The following AGPAT3 variants were observed in gnomAD, a reference collection of about 807,000 sequenced individuals.
AGPAT3 encodes the protein 1-acyl-sn-glycerol-3-phosphate acyltransferase gamma.
In AGPAT3, 5 loss-of-function variants were observed where a neutral mutation model predicts 47.3. The observed-to-expected ratio is 0.11, with a 90% CI of 0.06 to 0.22. AGPAT3 has a LOEUF of 0.22. Among genes scored for constraint, AGPAT3 ranks in the 10% least tolerant of loss-of-function variants. The probability of loss-of-function intolerance (pLI) is 1.00; values close to 1 mark genes in which losing one functional copy is unlikely to be tolerated. For missense variants in AGPAT3, 315 were observed against 493.0 expected, an observed-to-expected ratio of 0.64 and a Z score of 3.42; for synonymous variants, 212 against 208.3, an observed-to-expected ratio of 1.02 and a Z score of -0.15.
chr21:43,924,852 A>G (rs1017594020), intron 2 of AGPAT3, among the ~76,000 whole-genome samples: 5 of 152,084 alleles, frequency 3.3e-5, no homozygotes, highest in African/African-American at 4.8e-5. Context: ...GCGTGTGGGA[A>G]TGTGCGTTTT....
intron 2 of AGPAT3, among the ~76,000 whole-genome samples, chr21:43,916,810 G>A (rs1045446060): frequency 9.2e-5 from 14 of 152,228 alleles, no homozygotes; most frequent in African/African-American, 2.9e-4. Flanking sequence ...CAGCACAGAC[G>A]CCTGCATCTT....
rs1417285566 is a variant in AGPAT3 at position 43,968,220 on chromosome 21, C to A, written c.348+105C>A. The A allele has an allele frequency of 2.1e-5, 20 of 958,854 alleles. No homozygotes were observed. The Middle Eastern group carries it at 1.3e-3, about 62-fold the overall frequency. 59.4% of individuals were successfully genotyped at this position (958,854 alleles called of 1,614,324 possible). A position where few individuals can be genotyped will look rare whatever the true frequency, so the allele number is the denominator to read the frequency against. On this transcript the variant is annotated intron_variant, in intron 4 of 9. Transcript: ENST00000291572. ...GGCCGGGGTGAGCAGGGGGTCCCTG[C>A]AGGGCTGGGGGTGGGGTGGTGACTG... is the stretch of plus-strand genomic sequence containing the variant.
chr21:43,897,187 T>C (rs567337229), intron 1 of AGPAT3, among the ~76,000 whole-genome samples: 2 of 151,972 alleles, frequency 1.3e-5, no homozygotes, highest in Admixed American at 6.6e-5. Context: ...TTCAAGCGTC[T>C]GTTTAACAAA....
At chr21:43,891,627 C>A (rs1397432962) in intron 1 of AGPAT3, among the ~76,000 whole-genome samples, 13 of 148,472 alleles carry the variant, frequency 8.8e-5, no homozygotes, top group Admixed American at 8.7e-4. Context: ...AGCGAGACTC[C>A]ATCTAAACAA....
rs1029517421 is a variant in AGPAT3, at chr21:43,970,910, G to A, written c.664+104G>A. On this transcript the variant is annotated intron_variant, in intron 6 of 9. Transcript: ENST00000291572. This position sits in a 1 kb window ranked among gnomAD's most constrained non-coding sequence, Gnocchi z 5.8. ...AGTGCATTCCATGTGAAACACAGAA[G>A]AACAGAAGTGCAAAAGGAATCAAGT... The A allele has an allele frequency of 3.8e-6, 5 of 1,301,282 alleles. No individual in the cohort carries two copies. Among genetic ancestry groups the A allele is most frequent in the Non-Finnish European group, 5.0e-6 (5 of 1,000,384 alleles). 80.6% of individuals were successfully genotyped at this position (1,301,282 alleles called of 1,614,324 possible).
rs763088229 is a variant in AGPAT3, at chr21:43,985,136, C to T, written c.*2744C>T. Reference sequence around the variant, plus strand: ...GGGCCGTGGTCTCCTGGGGACGCCGCTGGCCTCCCAGCTTAGGCCCAGGTG... The same window carrying T: ...GGGCCGTGGTCTCCTGGGGACGCCGTTGGCCTCCCAGCTTAGGCCCAGGTG... On this transcript the variant is annotated 3_prime_UTR_variant, in exon 10 of 10. Coordinates refer to ENST00000291572, the MANE Select transcript of AGPAT3 (RefSeq NM_020132.5). 4.4e-6 allele frequency: 2 copies of T among 456,314 alleles called. No individual in the cohort carries two copies. The highest frequency in any genetic ancestry group is 3.1e-5 in the South Asian group (2 of 64,574). 28.3% of individuals were successfully genotyped at this position (456,314 alleles called of 1,614,324 possible). A position where few individuals can be genotyped will look rare whatever the true frequency, so the allele number is the denominator to read the frequency against.
intron 1 of AGPAT3, among the ~76,000 whole-genome samples, chr21:43,872,804 G>A (rs1032376555): frequency 1.3e-5 from 2 of 152,208 alleles, no homozygotes; most frequent in Non-Finnish European, 1.5e-5. Flanking sequence ...GCTGCCTTCC[G>A]GTGTGGGTAC....
intron 1 of AGPAT3, among the ~76,000 whole-genome samples, chr21:43,903,376 C>T (rs988673304): frequency 6.6e-6 from 1 of 152,190 alleles, no homozygotes; most frequent in Non-Finnish European, 1.5e-5. Context: ...CCCTGAACCA[C>T]ATACCTAAAA....
chr21:43,885,010 C>G (rs760782626), intron 1 of AGPAT3, among the ~76,000 whole-genome samples: 12 of 152,272 alleles, frequency 7.9e-5, no homozygotes, highest in Non-Finnish European at 1.5e-4. Flanking sequence ...GTGGCATTCT[C>G]TTTAAGGGAA....
intron 2 of AGPAT3, chr21:43,946,897 T>G (rs928042511): frequency 1.1e-4 from 16 of 152,304 alleles, no homozygotes; most frequent in African/African-American, 3.9e-4. Context: ...GCGCCTGCTG[T>G]GTCCTGCAGG....
In AGPAT3 at chr21:43,932,136, T is replaced by C. The variant is rs936310989; in HGVS notation, c.-48-27498T>C. Reference sequence around the variant, plus strand: ...GGTGGTGTGGATGTTAAAAATCTATTCTTTCCCTGATTTTGAAACATGATA... The same window carrying C: ...GGTGGTGTGGATGTTAAAAATCTATCCTTTCCCTGATTTTGAAACATGATA... On this transcript the variant is annotated intron_variant, in intron 2 of 9. Transcript: ENST00000291572. This position sits in a 1 kb window ranked among gnomAD's most constrained non-coding sequence, Gnocchi z 5.2. Among the ~76,000 whole-genome samples the C allele has an allele frequency of 1.4e-4, 22 of 152,176 alleles. No individual in the cohort carries two copies. The highest frequency in any genetic ancestry group is 6.5e-5 in the Admixed American group (1 of 15,276).
chr21:43,929,513 A>G (rs73906673), intron 2 of AGPAT3, among the ~76,000 whole-genome samples: 3,619 of 152,284 alleles, frequency 0.024, 151 homozygotes, highest in African/African-American at 0.083. Context: ...AAAGATGTGA[A>G]GGGCAAGTGG....
rs544387537 is a variant in AGPAT3 at position 43,930,001 on chromosome 21, G to A, written c.-49+25982G>A. ...GGAGCACCGACAGCCCAGGCGTGCC[G>A]GAGAGAGAGGACTTGAGTGACTGTC... On this transcript the variant is annotated intron_variant, in intron 2 of 9. Transcript: ENST00000291572. This position sits in a 1 kb window ranked among gnomAD's most constrained non-coding sequence, Gnocchi z 5.0. 2.0e-5 allele frequency among the ~76,000 whole-genome samples: 3 copies of A among 152,338 alleles called. No individual in the cohort carries two copies. Among genetic ancestry groups the A allele is most frequent in the South Asian group, 2.1e-4 (1 of 4,828 alleles).
At chr21:43,929,420 G>A (rs1032251677) in intron 2 of AGPAT3, among the ~76,000 whole-genome samples, 3 of 152,226 alleles carry the variant, frequency 2.0e-5, no homozygotes, top group East Asian at 1.9e-4. Flanking sequence ...ACCACGGCCC[G>A]TGCTGACCCC....
At chr21:43,889,011 T>C (rs529796244) in intron 1 of AGPAT3, among the ~76,000 whole-genome samples, 14 of 152,242 alleles carry the variant, frequency 9.2e-5, no homozygotes, top group Admixed American at 5.2e-4. Flanking sequence ...AAGTTTCTTA[T>C]TGATTTTAAA....
intron 3 of AGPAT3, among the ~76,000 whole-genome samples, chr21:43,962,736 A>T (rs904539093): frequency 4.5e-4 from 69 of 152,364 alleles, no homozygotes; most frequent in African/African-American, 1.4e-3. Context: ...GAGACAAGCT[A>T]GGGTTAACAG....
chr21:43,888,931 G>A (rs2086040771), intron 1 of AGPAT3, among the ~76,000 whole-genome samples: 1 of 152,098 alleles, frequency 6.6e-6, no homozygotes, highest in South Asian at 2.1e-4. Flanking sequence ...GGAGGTTGCA[G>A]TGAGCTTAGA....
At position 43,886,256 on chromosome 21, in the gene AGPAT3, A is replaced by T. The variant is rs1050386097; in HGVS notation, c.-111-17701A>T. ...TCTTTATACTAGATCTTTTTTTATT[A>T]AAAAAATTTTTTTTAAAGATGGAGT... On this transcript the variant is annotated intron_variant, in intron 1 of 9. Coordinates refer to ENST00000291572, the MANE Select transcript of AGPAT3 (RefSeq NM_020132.5). Among the ~76,000 whole-genome samples, 7 of 152,074 alleles carry T rather than the reference A, an allele frequency of 4.6e-5. No individual in the cohort carries two copies. The East Asian group carries it at 1.4e-3, about 29-fold the overall frequency.
At chr21:43,885,282 G>A (rs551404414) in intron 1 of AGPAT3, among the ~76,000 whole-genome samples, 2 of 152,342 alleles carry the variant, frequency 1.3e-5, no homozygotes, top group Admixed American at 6.5e-5. Flanking sequence ...ATGCAGACGC[G>A]GAGACTCACT....
Sources: gnomAD v4.1 joint callset for allele counts (sites outside exome capture counted in the v4.1 genomes callset) on GRCh38, gnomAD v4.1.1 for gene constraint, Gnocchi (gnomAD v3.1) non-coding constraint, MANE v1.5 for transcripts, NCBI Gene and HGNC (gene_info 2026-07-23, HGNC 2026-07-21) for gene names.